FREM3: variants seen among roughly 807,000 people sequenced by gnomAD.
The protein encoded by FREM3 is FRAS1-related extracellular matrix protein 3.
Under a neutral mutation model 129.1 loss-of-function variants are expected in FREM3, and 105 were observed. That is an observed-to-expected ratio of 0.81 (90% CI 0.69 to 0.96). The LOEUF is 0.96. Ranked by LOEUF, FREM3 falls within the 40% of genes least tolerant of loss-of-function variation. FREM3 has a pLI of 0.00. For missense variants in FREM3, 2,593 were observed against 2,666.3 expected (o/e 0.97, Z 0.61); for synonymous variants, 1,014 against 1,044.9 (o/e 0.97, Z 0.57).
intron 2 of FREM3, among the ~76,000 whole-genome samples, chr4:143,686,103 A>G (rs1465865091): frequency 6.6e-6 from 1 of 152,182 alleles, no homozygotes; most frequent in Non-Finnish European, 1.5e-5. Context: ...AAAGACTCAC[A>G]TAACTTAGAG....
chr4:143,661,769 CT>C (rs1739729101), intron 2 of FREM3, among the ~76,000 whole-genome samples: 1 of 152,122 alleles, frequency 6.6e-6, no homozygotes. Flanking sequence ...ATTTCAGCTC[CT>C]GTTATTGGTC....
intron 2 of FREM3, among the ~76,000 whole-genome samples, chr4:143,692,785 A>G (rs1740496704): frequency 6.6e-6 from 1 of 152,178 alleles, no homozygotes; most frequent in South Asian, 2.1e-4. Flanking sequence ...GATAGAAACC[A>G]CTAGCTAGAT....
chr4:143,682,998 G>A (rs973912327), intron 2 of FREM3, among the ~76,000 whole-genome samples: 6 of 152,144 alleles, frequency 3.9e-5, no homozygotes, highest in African/African-American at 1.4e-4. Context: ...AGACAGGGGA[G>A]TGTCAGAGTG....
At chr4:143,654,270 T>G (rs994831000) in intron 2 of FREM3, among the ~76,000 whole-genome samples, 3 of 152,068 alleles carry the variant, frequency 2.0e-5, no homozygotes, top group African/African-American at 7.2e-5. Flanking sequence ...GGCCCACTAA[T>G]TTTTGTATTT....
intron 2 of FREM3, among the ~76,000 whole-genome samples, chr4:143,677,780 T>C (rs989819039): frequency 7.2e-5 from 11 of 152,030 alleles, no homozygotes; most frequent in Admixed American, 4.6e-4. Context: ...CCAACAGACA[T>C]ATGAAAAAAT....
rs1225641247 is a variant in FREM3, at chr4:143,698,897, T to G, written c.1779A>C (p.Glu593Asp). 2 of 1,537,406 alleles carry G rather than the reference T, an allele frequency of 1.3e-6. No individual in the cohort carries two copies. Among genetic ancestry groups the G allele is most frequent in the African/African-American group, 2.7e-5 (2 of 73,042 alleles). ...LENQPLKGNE[E>D]EPQWELAPGS... Reference sequence around the variant, plus strand: ...CAGGGGCCAACTCCCACTGAGGCTCTTCCTCATTTCCTTTTAGGGGCTGGT... The same window carrying G: ...CAGGGGCCAACTCCCACTGAGGCTCGTCCTCATTTCCTTTTAGGGGCTGGT... Residue 593 changes from glutamate to aspartate, a missense_variant, in exon 1 of 8, where the codon GAA (glutamate) becomes GAC (aspartate). By Grantham distance (45) the Glu-to-Asp change is conservative (BLOSUM62 2). Transcript: ENST00000329798.
chr4:143,586,928 C>T (rs572698341), intron 6 of FREM3, among the ~76,000 whole-genome samples: 9 of 152,030 alleles, frequency 5.9e-5, no homozygotes, highest in South Asian at 2.1e-4. Context: ...GGTTGTTGAA[C>T]GGAAAATTAG....
At position 143,698,774 on chromosome 4, in the gene FREM3, C is replaced by A; in HGVS notation, c.1902G>T (p.Lys634Asn). ...TCACCACTTTCTCATAAAGCCCTTC[C>A]TTTTCCATGTAGTGCCAGTCTTCAT... ...TEDEDWHYMEKEGLYEKVVTE... is the reference protein window; with the variant it reads ...TEDEDWHYMENEGLYEKVVTE... Residue 634 changes from lysine to asparagine, a missense_variant, in exon 1 of 8, where the codon AAG (lysine) becomes AAT (asparagine). By Grantham distance (94) the Lys-to-Asn change is moderately conservative. Around this residue, in one of 2 missense-constraint regions of FREM3, gnomAD observed 2,276 missense variants for 2,267.2 expected, o/e 1.00. Coordinates refer to ENST00000329798, the MANE Select transcript of FREM3 (RefSeq NM_001168235.2). 3 of 1,537,552 alleles carry A rather than the reference C, an allele frequency of 2.0e-6. No individual in the cohort carries two copies. Among genetic ancestry groups the A allele is most frequent in the Non-Finnish European group, 2.6e-6 (3 of 1,147,002 alleles).
At chr4:143,578,928 G>C (rs886137104) in intron 7 of FREM3, among the ~76,000 whole-genome samples, 7 of 152,126 alleles carry the variant, frequency 4.6e-5, no homozygotes, top group Non-Finnish European at 1.0e-4. Context: ...AATGAGGTCT[G>C]AGTAGATTAT....
intron 4 of FREM3, 21 bp from the exon 5 acceptor site, chr4:143,621,183 CTT>C: frequency 6.5e-7 from 1 of 1,536,242 alleles, no homozygotes; most frequent in South Asian, 1.2e-5. Context: ...TGGCAGAAGA[CTT>C]TTCACCAAGA....
intron 2 of FREM3, among the ~76,000 whole-genome samples, chr4:143,673,810 C>A (rs1224683430): frequency 6.6e-6 from 1 of 152,262 alleles, no homozygotes; most frequent in Non-Finnish European, 1.5e-5. Context: ...CCTCCCGCAG[C>A]CTCGCTGCCA....
chr4:143,671,393 A>G (rs1436872296), intron 2 of FREM3, among the ~76,000 whole-genome samples: 3 of 152,212 alleles, frequency 2.0e-5, no homozygotes, highest in Non-Finnish European at 4.4e-5. Flanking sequence ...GCCATAGATA[A>G]ATAAAATGTA....
chr4:143,637,365 C>T (rs998769237), intron 2 of FREM3, among the ~76,000 whole-genome samples: 1 of 152,138 alleles, frequency 6.6e-6, no homozygotes, highest in Non-Finnish European at 1.5e-5. Context: ...AGCTAGGTCT[C>T]CATTTTCTTC....
intron 2 of FREM3, among the ~76,000 whole-genome samples, chr4:143,628,988 A>G (rs1407362337): frequency 2.0e-5 from 3 of 152,132 alleles, no homozygotes; most frequent in Non-Finnish European, 4.4e-5. Context: ...AGGGCCAGTT[A>G]AGGAGGCAAC....
intron 5 of FREM3, among the ~76,000 whole-genome samples, chr4:143,611,971 C>A (rs1487718902): frequency 6.6e-6 from 1 of 152,184 alleles, no homozygotes; most frequent in Admixed American, 6.5e-5. Flanking sequence ...GATCATCACA[C>A]ACCCCAACTA....
intron 2 of FREM3, among the ~76,000 whole-genome samples, chr4:143,672,343 G>T (rs1740013823): frequency 1.3e-5 from 2 of 152,128 alleles, no homozygotes; most frequent in African/African-American, 4.8e-5. Context: ...TTGTTTCTTT[G>T]CTCATACTTT....
intron 2 of FREM3, among the ~76,000 whole-genome samples, chr4:143,640,498 C>T (rs1739304406): frequency 6.6e-6 from 1 of 152,132 alleles, no homozygotes; most frequent in Non-Finnish European, 1.5e-5. Flanking sequence ...TGGAGAAACC[C>T]TGTCTCTACT....
At chr4:143,620,962 T>C in intron 5 of FREM3, 75 bp downstream of exon 5, 1 of 1,421,092 alleles carries the variant, frequency 7.0e-7, no homozygotes, top group Non-Finnish European at 9.5e-7. Context: ...TCACCCTCTG[T>C]GGTACTCCCA....
chr4:143,614,936 A>G (rs938108855), intron 5 of FREM3, among the ~76,000 whole-genome samples: 1 of 152,186 alleles, frequency 6.6e-6, no homozygotes, highest in Non-Finnish European at 1.5e-5. Context: ...GATGGCATCG[A>G]TTGCCCCTGT....
Sources: allele counts gnomAD v4.1 joint callset (sites outside exome capture counted in the v4.1 genomes callset), GRCh38; gene constraint gnomAD v4.1.1; regional missense constraint gnomAD v4.1.1; transcripts MANE v1.5; gene names NCBI Gene and HGNC (gene_info 2026-07-23, HGNC 2026-07-21).